PXN: variants seen among roughly 807,000 people sequenced by gnomAD.
PXN encodes the protein paxillin.
A neutral mutation model predicts 103.6 loss-of-function variants in PXN; 61 were observed. That is an observed-to-expected ratio of 0.59 (90% CI 0.48 to 0.73). The LOEUF (loss-of-function observed/expected upper bound fraction) is 0.73, where lower values mean the gene tolerates loss of function less well. Ranked by LOEUF, PXN falls within the 30% of genes least tolerant of loss-of-function variation. PXN has a pLI of 0.00. For synonymous variants in PXN, 562 were observed against 607.8 expected (o/e 0.92, Z 1.11); for missense variants, 1,274 against 1,460.3 (o/e 0.87, Z 2.08).
intron 1 of PXN, among the ~76,000 whole-genome samples, chr12:120,238,775 TTCTGCAGTG>T (rs1287603724): frequency 1.3e-5 from 2 of 152,244 alleles, no homozygotes; most frequent in Non-Finnish European, 2.9e-5. Context: ...GGATGCTAGG[TTCTGCAGTG>T]TCTGCAGAGA....
intron 1 of PXN, among the ~76,000 whole-genome samples, chr12:120,234,100 T>C (rs1380798529): frequency 1.6e-5 from 2 of 121,316 alleles, no homozygotes; most frequent in Non-Finnish European, 4.0e-5. Context: ...AATCGTAAGA[T>C]AAAAAGAGAG....
Position 120,214,267 on chromosome 12 carries a change from A to C in PXN, c.2749-50T>G, listed in dbSNP as rs1191705758. ...AGGCTGAGCTCTGGGCAGATCTCAC[A>C]ACTGAGACGCCCAGCAAGGCCGTCC... On this transcript the variant is annotated intron_variant, in intron 12 of 14. Transcript: ENST00000637617. This position sits in a 1 kb window ranked among gnomAD's most constrained non-coding sequence, Gnocchi z 5.0. 2.0e-6 allele frequency: 3 copies of C among 1,484,398 alleles called. No individual in the cohort carries two copies. Among genetic ancestry groups the C allele is most frequent in the Admixed American group, 2.0e-5 (1 of 50,884 alleles). 92.0% of individuals were successfully genotyped at this position (1,484,398 alleles called of 1,614,324 possible).
chr12:120,219,660 T>C lies in PXN; in HGVS notation c.1263A>G (p.Pro421=). 2 of 1,584,832 alleles carry C rather than the reference T, an allele frequency of 1.3e-6. No homozygotes were observed. The highest frequency in any genetic ancestry group is 2.3e-5 in the East Asian group (1 of 44,118). Residue 421 remains proline (P), a synonymous_variant, in exon 7 of 15, where the codon CCA becomes CCG. Transcript: ENST00000637617. This position sits in a 1 kb window ranked among gnomAD's most constrained non-coding sequence, Gnocchi z 6.5. ...LQEPGEPQGP[P]ASPSCPEEAL... ...CCTCCTCTGGGCACGAAGGGCTGGC[T>C]GGTGGCCCCTGGGGCTCCCCAGGCT...
rs530415321 is a variant in PXN, at chr12:120,256,501, G to C, written c.13+9116C>G. ...CAGATGGGGACATCGGGGCCACATG[G>C]GGCCACAGCCATCTACACTGACAGA... On this transcript the variant is annotated intron_variant, in intron 1 of 14. Transcript: ENST00000637617. Among the ~76,000 whole-genome samples the C allele has an allele frequency of 9.8e-4, 148 of 150,330 alleles. 1 individual carries two copies. In the South Asian group the frequency reaches 0.03, roughly 31 times the overall value.
rs1467389605 is a variant in PXN, at chr12:120,250,304, TG to T, written c.13+15312del. 1.0e-5 allele frequency: 6 copies of T among 575,972 alleles called. No homozygotes were observed. In the African/African-American group the frequency reaches 1.2e-4, roughly 12 times the overall value. The allele number at this position is 575,972 out of a possible 1,614,324, so 35.7% of individuals were successfully genotyped here. A position where few individuals can be genotyped will look rare whatever the true frequency, so the allele number is the denominator to read the frequency against. ...TTCAAACCTCCAACAGAGCCCAGGG[TG>T]GGTCCCACAGATCAACTACCCCTAA... On this transcript the variant is annotated intron_variant, in intron 1 of 14. Transcript: ENST00000637617.
chr12:120,215,596 G>A lies in PXN; in HGVS notation c.2367C>T (p.Gly789=), dbSNP rs374919882. Residue 789 remains glycine (G), a synonymous_variant, in exon 10 of 15, where the codon GGC becomes GGT. Transcript: ENST00000637617. This position sits in a 1 kb window ranked among gnomAD's most constrained non-coding sequence, Gnocchi z 4.9. ...RCWAAGWPRD[G]GRSSPGGQDE... ...CCTGCCCTCCGGGGCTGCTCCGCCC[G>A]CCGTCCCGAGGCCAGCCGGCCGCCC... is the stretch of plus-strand genomic sequence containing the variant. 362 of 1,609,378 alleles carry A rather than the reference G, an allele frequency of 2.2e-4. 2 individuals carry two copies. In the South Asian group the frequency reaches 2.9e-3, roughly 13 times the overall value.
intron 1 of PXN, among the ~76,000 whole-genome samples, chr12:120,233,310 GCCT>G (rs2136431784): frequency 6.6e-6 from 1 of 152,060 alleles, no homozygotes; most frequent in African/African-American, 2.4e-5. Flanking sequence ...ACCCTCATAG[GCCT>G]CCTTTTTTTT....
intron 1 of PXN, among the ~76,000 whole-genome samples, chr12:120,253,984 G>A (rs1189842219): frequency 6.6e-6 from 1 of 152,110 alleles, no homozygotes; most frequent in Non-Finnish European, 1.5e-5. Context: ...GGGTTCAGGC[G>A]ATTCTCCTGC....
Position 120,220,116 on chromosome 12 carries a change from G to A in PXN, c.832-25C>T. The A allele has an allele frequency of 2.2e-6, 2 of 919,248 alleles. No homozygotes were observed. The highest frequency in any genetic ancestry group is 3.2e-6 in the Non-Finnish European group (2 of 623,512). 56.9% of individuals were successfully genotyped at this position (919,248 alleles called of 1,614,324 possible). ...TCTGGAGAAGAGAGAAATGCAGAGG[G>A]GAGAGGAGAGAGAGAGATGAGGGGA... On this transcript the variant is annotated intron_variant, in intron 6 of 14. Coordinates refer to ENST00000637617, the MANE Select transcript of PXN (RefSeq NM_001385981.1). This position sits in a 1 kb window ranked among gnomAD's most constrained non-coding sequence, Gnocchi z 6.1.
intron 3 of PXN, 39 bp downstream of exon 3, chr12:120,223,679 A>G (rs891705608): frequency 1.4e-6 from 2 of 1,465,414 alleles, no homozygotes; most frequent in Non-Finnish European, 1.9e-6. Flanking sequence ...GAGATTTCTA[A>G]GCAGGAGGGA....
chr12:120,255,585 T>C (rs1023477311), intron 1 of PXN, among the ~76,000 whole-genome samples: 2 of 151,798 alleles, frequency 1.3e-5, no homozygotes, highest in Admixed American at 6.6e-5. Flanking sequence ...TCCCAGCTAC[T>C]CAGGAGGCTG....
intron 1 of PXN, among the ~76,000 whole-genome samples, chr12:120,264,956 A>C (rs1894450099): frequency 6.6e-6 from 1 of 151,914 alleles, no homozygotes; most frequent in Non-Finnish European, 1.5e-5. Context: ...CCAGATTTGA[A>C]GTGGGGGGTC....
At chr12:120,233,958 G>C (rs1393942500) in intron 1 of PXN, among the ~76,000 whole-genome samples, 1 of 152,096 alleles carries the variant, frequency 6.6e-6, no homozygotes, top group Non-Finnish European at 1.5e-5. Context: ...TGGAAGCCAG[G>C]GGTACAGGAA....
At chr12:120,254,123 C>T (rs1231044256) in intron 1 of PXN, among the ~76,000 whole-genome samples, 1 of 152,130 alleles carries the variant, frequency 6.6e-6, no homozygotes, top group Non-Finnish European at 1.5e-5. Context: ...AGATGATCCA[C>T]CCACCTCAGC....
In PXN at chr12:120,222,206, A is replaced by G. The variant is rs1594393537; in HGVS notation, c.695+343T>C. Reference sequence around the variant, plus strand: ...TAGGTGGTCTTATCCCAGTGATCCCATAAGTTCTTGTCCCATTTTACAGAT... The same window carrying G: ...TAGGTGGTCTTATCCCAGTGATCCCGTAAGTTCTTGTCCCATTTTACAGAT... On this transcript the variant is annotated intron_variant, in intron 5 of 14. Coordinates refer to ENST00000637617, the MANE Select transcript of PXN (RefSeq NM_001385981.1). The surrounding 1 kb of genome is among the most constrained non-coding windows in gnomAD (Gnocchi z 4.7). Among the ~76,000 whole-genome samples the G allele has an allele frequency of 2.6e-5, 4 of 152,348 alleles. No homozygotes were observed. The highest frequency in any genetic ancestry group is 6.5e-5 in the Admixed American group (1 of 15,308).
intron 7 of PXN, among the ~76,000 whole-genome samples, chr12:120,218,596 G>C (rs993645450): frequency 1.3e-5 from 2 of 151,876 alleles, no homozygotes; most frequent in East Asian, 1.9e-4. Context: ...GGCTGGCCTC[G>C]AACTCCCAAC....
Position 120,224,037 on chromosome 12 carries a change from G to C in PXN, c.240+114C>G. 1.1e-6 allele frequency: 1 copy of C among 908,942 alleles called. No homozygotes were observed. The highest frequency in any genetic ancestry group is 1.7e-6 in the Non-Finnish European group (1 of 605,996). 56.3% of individuals were successfully genotyped at this position (908,942 alleles called of 1,614,324 possible). ...AGTGGGAAGAGCAGTGTCTGGTTGGGAAGGGTCGACTGCCCCAATTCCATT... is the reference window on the plus strand; with the variant it reads ...AGTGGGAAGAGCAGTGTCTGGTTGGCAAGGGTCGACTGCCCCAATTCCATT... On this transcript the variant is annotated intron_variant, in intron 2 of 14. Transcript: ENST00000637617. The surrounding 1 kb of genome is among the most constrained non-coding windows in gnomAD (Gnocchi z 5.0).
chr12:120,213,801 C>G lies in PXN; in HGVS notation c.2979+41G>C. The G allele has an allele frequency of 6.3e-7, 1 of 1,588,144 alleles. No homozygotes were observed. Among genetic ancestry groups the G allele is most frequent in the Non-Finnish European group, 8.6e-7 (1 of 1,167,440 alleles). On this transcript the variant is annotated intron_variant, in intron 14 of 14. Transcript: ENST00000637617. The surrounding 1 kb of genome is among the most constrained non-coding windows in gnomAD (Gnocchi z 4.2). Reference sequence around the variant, plus strand: ...GAGGAAGACCCCTCTCTCCCCACTGCCTGCTCCTCGCCCCTCCAGATGTGG... The same window carrying G: ...GAGGAAGACCCCTCTCTCCCCACTGGCTGCTCCTCGCCCCTCCAGATGTGG...
chr12:120,227,208 A>G (rs1887048092), intron 1 of PXN: 28 of 962,526 alleles, frequency 2.9e-5, no homozygotes, highest in Non-Finnish European at 3.5e-5. Context: ...TCTACAAAAA[A>G]TTTAAAAATT....
Sources: gnomAD v4.1 joint callset for allele counts (sites outside exome capture counted in the v4.1 genomes callset) on GRCh38, gnomAD v4.1.1 for gene constraint, Gnocchi (gnomAD v3.1) non-coding constraint, MANE v1.5 for transcripts, NCBI Gene and HGNC (gene_info 2026-07-23, HGNC 2026-07-21) for gene names.